Variants in EIF3J observed in about 807,000 individuals in gnomAD.
EIF3J encodes eukaryotic translation initiation factor 3, subunit 1 (alpha, 35kD).
EIF3J carries 15 observed loss-of-function variants against 39.0 expected under a neutral mutation model. That is an observed-to-expected ratio of 0.38 (90% CI 0.26 to 0.59). The LOEUF (loss-of-function observed/expected upper bound fraction) is 0.59. Ranked by LOEUF, EIF3J falls within the 20% of genes least tolerant of loss-of-function variation. The pLI is 0.60. For synonymous variants in EIF3J, 98 were observed against 112.9 expected, an observed-to-expected ratio of 0.87 and a Z score of 0.84; for missense variants, 226 against 308.6, an observed-to-expected ratio of 0.73 and a Z score of 2.00.
intron 2 of EIF3J, among the ~76,000 whole-genome samples, chr15:44,544,712 A>AC (rs1241845204): frequency 6.9e-6 from 1 of 145,122 alleles, no homozygotes; most frequent in Non-Finnish European, 1.5e-5. Context: ...TTAAAAAAAA[A>AC]AAAAAAAAAA....
rs1595810797 is a variant in EIF3J, at chr15:44,561,920, G to GAAC, written c.*775_*777dup. On this transcript the variant is annotated 3_prime_UTR_variant, in exon 8 of 8. Coordinates refer to ENST00000261868, the MANE Select transcript of EIF3J (RefSeq NM_003758.4). ...ATCTTTGTTCTCTTAGGCTGCAATGGAACAACTTTACCAGGGTTTTGGCAT... is the reference window on the plus strand; with the variant it reads ...ATCTTTGTTCTCTTAGGCTGCAATGGAACAACAACTTTACCAGGGTTTTGGCAT... The GAAC allele has an allele frequency of 6.6e-6, 1 of 152,584 alleles. No individual in the cohort carries two copies. Among genetic ancestry groups the GAAC allele is most frequent in the Non-Finnish European group, 1.5e-5 (1 of 68,038 alleles). 9.5% of individuals were successfully genotyped at this position (152,584 alleles called of 1,614,324 possible).
intron 6 of EIF3J, among the ~76,000 whole-genome samples, chr15:44,558,215 A>C (rs2140902628): frequency 6.6e-6 from 1 of 152,168 alleles, no homozygotes; most frequent in South Asian, 2.1e-4. Flanking sequence ...TTTTGCTAGT[A>C]TTTGCAGTTT....
In EIF3J at chr15:44,561,818, A is replaced by G. The variant is rs377707157; in HGVS notation, c.*669A>G. ...AGACTGTCTAGTTATTTATCAGGCT[A>G]TTTCTACTGATGAACTGCTTCAGGT... On this transcript the variant is annotated 3_prime_UTR_variant, in exon 8 of 8. Coordinates refer to ENST00000261868, the MANE Select transcript of EIF3J (RefSeq NM_003758.4). The G allele has an allele frequency of 6.5e-6, 1 of 152,702 alleles. No individual in the cohort carries two copies. Among genetic ancestry groups the G allele is most frequent in the African/African-American group, 2.4e-5 (1 of 41,570 alleles). The allele number at this position is 152,702 out of a possible 1,614,324, so 9.5% of individuals were successfully genotyped here. A position where few individuals can be genotyped will look rare whatever the true frequency, so the allele number is the denominator to read the frequency against.
At chr15:44,554,332 A>G (rs2082125833) in intron 4 of EIF3J, among the ~76,000 whole-genome samples, 1 of 148,722 alleles carries the variant, frequency 6.7e-6, no homozygotes, top group Non-Finnish European at 1.5e-5. Flanking sequence ...AGCGAAGATC[A>G]TGCCACTGTG....
chr15:44,556,013 C>T (rs563604513), intron 5 of EIF3J, among the ~76,000 whole-genome samples: 20 of 152,080 alleles, frequency 1.3e-4, no homozygotes, highest in African/African-American at 4.1e-4. Context: ...CATGCCACCA[C>T]GCCTGGGTAA....
At chr15:44,546,488 G>A (rs904760875) in intron 2 of EIF3J, among the ~76,000 whole-genome samples, 2 of 152,098 alleles carry the variant, frequency 1.3e-5, no homozygotes, top group Admixed American at 6.6e-5. Flanking sequence ...GTGATCTGTC[G>A]TGTTATGAAA....
At chr15:44,558,428 C>T (rs1005087096) in intron 6 of EIF3J, among the ~76,000 whole-genome samples, 3 of 151,334 alleles carry the variant, frequency 2.0e-5, no homozygotes, top group Admixed American at 6.6e-5. Flanking sequence ...CAAGGTGAAG[C>T]TGAGGCAGGA....
chr15:44,546,323 A>G (rs1228489089), intron 2 of EIF3J, among the ~76,000 whole-genome samples: 1 of 152,214 alleles, frequency 6.6e-6, no homozygotes, highest in Non-Finnish European at 1.5e-5. Flanking sequence ...ATAAAAATAC[A>G]CTTACTTTTT....
At chr15:44,553,224 G>T (rs1371261074) in intron 4 of EIF3J, among the ~76,000 whole-genome samples, 2 of 151,854 alleles carry the variant, frequency 1.3e-5, no homozygotes, top group Non-Finnish European at 2.9e-5. Context: ...CAGGCGTGGT[G>T]GCTCACGCCT....
Position 44,553,640 on chromosome 15 carries a change from A to G in EIF3J, c.295-913A>G, listed in dbSNP as rs149080890. Among the ~76,000 whole-genome samples the G allele has an allele frequency of 6.0e-3, 907 of 152,346 alleles. 25 individuals are homozygous for G. In the East Asian group the frequency reaches 0.087, roughly 15 times the overall value. On this transcript the variant is annotated intron_variant, in intron 4 of 7. Transcript: ENST00000261868. Reference sequence around the variant, plus strand: ...TAAAATTTGTTATAGTGGTAATTTTATAATTATACAATATGATGAAAAGGG... The same window carrying G: ...TAAAATTTGTTATAGTGGTAATTTTGTAATTATACAATATGATGAAAAGGG...
chr15:44,553,725 T>A lies in EIF3J; in HGVS notation c.295-828T>A, dbSNP rs117264595. Reference sequence around the variant, plus strand: ...TTGTCTGTAAATTTATTTGAAATTATGAATAATACTCTAATGTACATTCTT... The same window carrying A: ...TTGTCTGTAAATTTATTTGAAATTAAGAATAATACTCTAATGTACATTCTT... On this transcript the variant is annotated intron_variant, in intron 4 of 7. Coordinates refer to ENST00000261868, the MANE Select transcript of EIF3J (RefSeq NM_003758.4). Among the ~76,000 whole-genome samples, 906 of 152,172 alleles carry A rather than the reference T, an allele frequency of 6.0e-3. 25 individuals carry two copies. In the East Asian group the frequency reaches 0.087, roughly 15 times the overall value.
At chr15:44,550,015 C>A (rs1241527705) in intron 2 of EIF3J, among the ~76,000 whole-genome samples, 1 of 151,408 alleles carries the variant, frequency 6.6e-6, no homozygotes, top group African/African-American at 2.4e-5. Flanking sequence ...CATAGCAATT[C>A]ATGGGGAAAC....
rs999128147 is a variant in EIF3J at position 44,550,769 on chromosome 15, A to G, written c.148-107A>G. The G allele has an allele frequency of 5.1e-5, 40 of 789,786 alleles. No homozygotes were observed. The Admixed American group carries it at 7.8e-4, about 15-fold the overall frequency. 48.9% of individuals were successfully genotyped at this position (789,786 alleles called of 1,614,324 possible). A position where few individuals can be genotyped will look rare whatever the true frequency, so the allele number is the denominator to read the frequency against. Reference sequence around the variant, plus strand: ...CATTAATTTATAAATTTAATGCAGTACAAAAAAATACCAACAAACATTTCT... The same window carrying G: ...CATTAATTTATAAATTTAATGCAGTGCAAAAAAATACCAACAAACATTTCT... On this transcript the variant is annotated intron_variant, in intron 2 of 7. Transcript: ENST00000261868.
intron 5 of EIF3J, among the ~76,000 whole-genome samples, chr15:44,555,672 C>T (rs1244107817): frequency 6.6e-6 from 1 of 152,174 alleles, no homozygotes; most frequent in Non-Finnish European, 1.5e-5. Context: ...ATGAAGTGTG[C>T]ATAAAGCCTA....
chr15:44,545,441 T>TA (rs879486102), intron 2 of EIF3J, among the ~76,000 whole-genome samples: 5 of 152,328 alleles, frequency 3.3e-5, no homozygotes, highest in South Asian at 2.1e-4. Context: ...GCTGCTTTAT[T>TA]ACAGTGAATT....
rs1215259709 is a variant in EIF3J, at chr15:44,537,445, C to T, written c.147+18C>T. The T allele has an allele frequency of 2.0e-6, 3 of 1,515,174 alleles. No individual in the cohort carries two copies. The highest frequency in any genetic ancestry group is 4.3e-5 in the Admixed American group (2 of 45,986). 93.9% of individuals were successfully genotyped at this position (1,515,174 alleles called of 1,614,324 possible). ...ACGTCAAGGTGGGTGCGGGCTAGGG[C>T]GCCGGGCAGCGCGGAAGCGGGCTGG... On this transcript the variant is annotated intron_variant, in intron 2 of 7. Transcript: ENST00000261868.
rs1040316749 is a variant in EIF3J at position 44,560,440 on chromosome 15, A to AT, written c.645+121dup. The stretch of plus-strand genomic sequence containing the variant: ...AAAAGTCAAGCAACTCACTAATACC[A>AT]TTTAAGTTAGACTAGAAGAGGAGTA... On this transcript the variant is annotated intron_variant, in intron 7 of 7. Coordinates refer to ENST00000261868, the MANE Select transcript of EIF3J (RefSeq NM_003758.4). 20 of 905,044 alleles carry AT rather than the reference A, an allele frequency of 2.2e-5. No homozygotes were observed. The Admixed American group carries it at 2.6e-4, about 12-fold the overall frequency. The allele number at this position is 905,044 out of a possible 1,614,324, so 56.1% of individuals were successfully genotyped here. A position where few individuals can be genotyped will look rare whatever the true frequency, so the allele number is the denominator to read the frequency against.
chr15:44,548,908 C>A (rs528855295), intron 2 of EIF3J, among the ~76,000 whole-genome samples: 8 of 152,032 alleles, frequency 5.3e-5, no homozygotes, highest in South Asian at 2.1e-4. Flanking sequence ...GGGAAAAAAA[C>A]CATTATTTAT....
At chr15:44,548,411 G>A (rs550134261) in intron 2 of EIF3J, among the ~76,000 whole-genome samples, 7 of 152,210 alleles carry the variant, frequency 4.6e-5, no homozygotes, top group East Asian at 3.9e-4. Context: ...GTGAAACTCC[G>A]TCTCAAAAAA....
Sources: allele counts gnomAD v4.1 joint callset (sites outside exome capture counted in the v4.1 genomes callset), GRCh38; gene constraint gnomAD v4.1.1; transcripts MANE v1.5; gene names NCBI Gene and HGNC (gene_info 2026-07-23, HGNC 2026-07-21).